Variants in PRKD1 observed in about 807,000 individuals in gnomAD.
The protein encoded by PRKD1 is serine/threonine-protein kinase D1.
A neutral mutation model predicts 95.9 loss-of-function variants in PRKD1; 63 were observed. That is an observed-to-expected ratio of 0.66 (90% CI 0.54 to 0.81). The LOEUF (loss-of-function observed/expected upper bound fraction) is 0.81, where lower values mean the gene tolerates loss of function less well. Among genes scored for constraint, PRKD1 ranks in the 30% least tolerant of loss-of-function variants. PRKD1 has a pLI of 0.00. For missense variants in PRKD1, 1,048 were observed against 1,165.3 expected (o/e 0.90, Z 1.47); for synonymous variants, 425 against 423.1 (o/e 1.00, Z -0.05).
In PRKD1 at chr14:29,675,873, G is replaced by T. The variant is rs554764671; in HGVS notation, c.404-9665C>A. ...AAACCATCATTCTCAGCAAACTATC[G>T]CAAGGACAAAAACACAAACACCGCA... On this transcript the variant is annotated intron_variant, in intron 2 of 17. Transcript: ENST00000331968. Among the ~76,000 whole-genome samples, 47 of 150,906 alleles carry T rather than the reference G, an allele frequency of 3.1e-4. No individual in the cohort carries two copies. The South Asian group carries it at 9.7e-3, about 31-fold the overall frequency.
At chr14:29,785,405 G>A (rs779233716) in intron 1 of PRKD1, among the ~76,000 whole-genome samples, 6 of 151,802 alleles carry the variant, frequency 4.0e-5, no homozygotes, top group East Asian at 1.9e-4. Context: ...ATTGATTTTC[G>A]TATGTTCATT....
At chr14:29,827,208 TC>T (rs907326933) in intron 1 of PRKD1, among the ~76,000 whole-genome samples, 2 of 151,640 alleles carry the variant, frequency 1.3e-5, no homozygotes, top group South Asian at 4.2e-4. Context: ...TACCACCTGT[TC>T]CCCCCAAATC....
rs76548991 is a variant in PRKD1 at position 29,791,579 on chromosome 14, C to T, written c.265-65905G>A. 8.0e-3 allele frequency among the ~76,000 whole-genome samples: 1,219 copies of T among 152,178 alleles called. 19 individuals carry two copies. The highest frequency in any genetic ancestry group is 0.026 in the African/African-American group (1,094 of 41,530). ...GAATTTTCTAAAAATATTATGTACTCTTTTTATGTGTAATGTCTTTCACTC... is the reference window on the plus strand; with the variant it reads ...GAATTTTCTAAAAATATTATGTACTTTTTTTATGTGTAATGTCTTTCACTC... On this transcript the variant is annotated intron_variant, in intron 1 of 17. Transcript: ENST00000331968.
chr14:29,713,746 T>A (rs555386639), intron 2 of PRKD1, among the ~76,000 whole-genome samples: 8 of 152,290 alleles, frequency 5.3e-5, no homozygotes, highest in African/African-American at 1.9e-4. Flanking sequence ...TTTTCCTGTA[T>A]CCTTTCTTTC....
rs913015088 is a variant in PRKD1, at chr14:29,780,523, C to A, written c.265-54849G>T. Among the ~76,000 whole-genome samples the A allele has an allele frequency of 3.3e-5, 5 of 152,228 alleles. 1 individual carries two copies. The South Asian group carries it at 1.0e-3, about 32-fold the overall frequency. On this transcript the variant is annotated intron_variant, in intron 1 of 17. Transcript: ENST00000331968. ...CAAAAGAAGACATTTATGCAGCCAA[C>A]AGACACATGAAAAAATGCTCATCAT...
intron 2 of PRKD1, among the ~76,000 whole-genome samples, chr14:29,675,940 G>A (rs1258181622): frequency 1.4e-5 from 2 of 139,606 alleles, no homozygotes; most frequent in Admixed American, 7.7e-5. Flanking sequence ...GAGAACACTT[G>A]GACACAGGAA....
At chr14:29,643,629 G>A (rs1880943117) in intron 4 of PRKD1, among the ~76,000 whole-genome samples, 1 of 152,154 alleles carries the variant, frequency 6.6e-6, no homozygotes, top group African/African-American at 2.4e-5. Context: ...CTGCCAGCAT[G>A]TCTTTAAACA....
chr14:29,638,024 T>G (rs1880496428), intron 6 of PRKD1, among the ~76,000 whole-genome samples: 1 of 152,154 alleles, frequency 6.6e-6, no homozygotes, highest in Admixed American at 6.6e-5. Context: ...CGAAGTTAAT[T>G]TATACAGTTA....
chr14:29,696,387 C>T (rs185372693), intron 2 of PRKD1, among the ~76,000 whole-genome samples: 2 of 152,040 alleles, frequency 1.3e-5, no homozygotes, highest in African/African-American at 4.8e-5. Flanking sequence ...TTATAAGATA[C>T]GAAAATCAAG....
intron 1 of PRKD1, among the ~76,000 whole-genome samples, chr14:29,901,411 A>T (rs759225681): frequency 6.6e-6 from 1 of 152,190 alleles, no homozygotes. Context: ...GGGTGATGGG[A>T]TCATCTGTAC....
At chr14:29,708,483 T>A (rs67340929) in intron 2 of PRKD1, among the ~76,000 whole-genome samples, 10,280 of 152,228 alleles carry the variant, frequency 0.068, 876 homozygotes, top group African/African-American at 0.2. Context: ...AAAAGGTTTG[T>A]CTAGATATTT....
intron 2 of PRKD1, among the ~76,000 whole-genome samples, chr14:29,685,773 C>T (rs557808070): frequency 6.6e-6 from 1 of 151,434 alleles, no homozygotes; most frequent in African/African-American, 2.4e-5. Context: ...CTTTTCTATG[C>T]AATACTGGAC....
rs1264713149 is a variant in PRKD1, at chr14:29,597,541, T to C, written c.2384A>G (p.Asn795Ser). Reference protein sequence around the residue: ...EDEDIHDQIQNAAFMYPPNPW... With the variant: ...EDEDIHDQIQSAAFMYPPNPW... ...ATTTGGTGGATACATGAAAGCTGCA[T>C]TCTGAATTTGGTCGTGTATGTCTTC... The change falls in exon 16 of 18, where the codon AAT becomes AGT. Residue 795 changes from asparagine (N) to serine (S), a missense_variant. Physicochemically the swap from Asn to Ser is conservative, Grantham distance 46. This residue lies in a region of PRKD1 where 739 missense variants were observed against 861.9 expected (regional missense o/e 0.86). Coordinates refer to ENST00000331968, the MANE Select transcript of PRKD1 (RefSeq NM_002742.3). 1 of 1,613,412 alleles carries C rather than the reference T, an allele frequency of 6.2e-7. No homozygotes were observed. Among genetic ancestry groups the C allele is most frequent in the Non-Finnish European group, 8.5e-7 (1 of 1,179,466 alleles).
chr14:29,645,226 A>G (rs1331251137), intron 4 of PRKD1, among the ~76,000 whole-genome samples: 1 of 152,160 alleles, frequency 6.6e-6, no homozygotes, highest in East Asian at 1.9e-4. Context: ...AGTGTGTTTT[A>G]TGTGCCAAAA....
At chr14:29,828,584 A>G (rs1891286394) in intron 1 of PRKD1, among the ~76,000 whole-genome samples, 1 of 152,122 alleles carries the variant, frequency 6.6e-6, no homozygotes, top group Admixed American at 6.6e-5. Flanking sequence ...TCTTTAGAGG[A>G]AAAAGAGATT....
chr14:29,694,406 T>C (rs1448806868), intron 2 of PRKD1, among the ~76,000 whole-genome samples: 1 of 152,214 alleles, frequency 6.6e-6, no homozygotes, highest in Admixed American at 6.5e-5. Context: ...CAGCTTAATA[T>C]GCCACAAGTG....
rs1446017393 is a variant in PRKD1, at chr14:29,629,040, C to T, written c.1725+1G>A. On this transcript the variant is annotated splice_donor_variant, in intron 11 of 17. Transcript: ENST00000331968. LOFTEE classifies it high-confidence loss of function. ...TTTTATATTAGTAGGTACATACTTACCACATTTTCTTGAATCTGGCAATTT... is the reference window on the plus strand; with the variant it reads ...TTTTATATTAGTAGGTACATACTTATCACATTTTCTTGAATCTGGCAATTT... The T allele has an allele frequency of 6.3e-7, 1 of 1,596,646 alleles. No homozygotes were observed. Among genetic ancestry groups the T allele is most frequent in the Admixed American group, 1.7e-5 (1 of 58,650 alleles).
At chr14:29,687,091 C>T (rs1390033818) in intron 2 of PRKD1, among the ~76,000 whole-genome samples, 1 of 151,762 alleles carries the variant, frequency 6.6e-6, no homozygotes, top group Non-Finnish European at 1.5e-5. Context: ...TTCTTAAGGT[C>T]TGGTGTCTGG....
chr14:29,611,957 G>A (rs985326598), intron 13 of PRKD1, among the ~76,000 whole-genome samples: 41 of 152,156 alleles, frequency 2.7e-4, no homozygotes, highest in Admixed American at 2.5e-3. Flanking sequence ...TAGATTTTAA[G>A]TGTAATTTTT....
Sources: allele counts gnomAD v4.1 joint callset (sites outside exome capture counted in the v4.1 genomes callset), GRCh38; gene constraint gnomAD v4.1.1; regional missense constraint gnomAD v4.1.1; transcripts MANE v1.5; gene names NCBI Gene and HGNC (gene_info 2026-07-23, HGNC 2026-07-21).